BCL2: variants seen among roughly 807,000 people sequenced by gnomAD.
BCL2 encodes BCL2 apoptosis regulator.
BCL2 carries 1 observed loss-of-function variant against 14.2 expected under a neutral mutation model. The observed-to-expected ratio is 0.07, with a 90% confidence interval of 0.02 to 0.33. The LOEUF (loss-of-function observed/expected upper bound fraction) is 0.33. Ranked by LOEUF, BCL2 falls within the 10% of genes least tolerant of loss-of-function variation. The probability of loss-of-function intolerance (pLI) is 0.99; values close to 1 mark genes in which losing one functional copy is unlikely to be tolerated. For missense variants in BCL2, 247 were observed against 305.9 expected, an observed-to-expected ratio of 0.81 and a Z score of 1.44; for synonymous variants, 151 against 137.2, an observed-to-expected ratio of 1.10 and a Z score of -0.70.
chr18:63,223,778 T>C (rs1910470207), intron 2 of BCL2, among the ~76,000 whole-genome samples: 3 of 152,318 alleles, frequency 2.0e-5, no homozygotes, highest in South Asian at 4.1e-4. Flanking sequence ...GACAGAAACA[T>C]TTTATTCTAC....
At chr18:63,220,283 C>T (rs1910352815) in intron 2 of BCL2, among the ~76,000 whole-genome samples, 1 of 152,184 alleles carries the variant, frequency 6.6e-6, no homozygotes, top group Non-Finnish European at 1.5e-5. Flanking sequence ...TCTGTCCCAG[C>T]ATGTTAGGGA....
At chr18:63,256,216 A>G (rs992401021) in intron 2 of BCL2, among the ~76,000 whole-genome samples, 8 of 152,146 alleles carry the variant, frequency 5.3e-5, no homozygotes, top group East Asian at 3.9e-4. Context: ...AACATTATGG[A>G]AAAAAATTAT....
chr18:63,161,990 A>G (rs968772929), intron 2 of BCL2: 1 of 152,184 alleles, frequency 6.6e-6, no homozygotes, highest in Non-Finnish European at 1.5e-5. Flanking sequence ...TGTGTAAACC[A>G]AAGCAGTTCT....
intron 2 of BCL2, among the ~76,000 whole-genome samples, chr18:63,271,979 GC>G (rs1912015233): frequency 6.6e-6 from 1 of 152,210 alleles, no homozygotes; most frequent in African/African-American, 2.4e-5. Flanking sequence ...GCAAACTGGA[GC>G]TAAAGTCATG....
intron 2 of BCL2, among the ~76,000 whole-genome samples, chr18:63,142,506 C>A (rs898558437): frequency 5.9e-5 from 9 of 152,212 alleles, no homozygotes; most frequent in Middle Eastern, 3.2e-3. Context: ...TCACAAATGG[C>A]TGAAACTTCA....
chr18:63,173,736 C>T (rs925208954), intron 2 of BCL2, among the ~76,000 whole-genome samples: 2 of 152,176 alleles, frequency 1.3e-5, no homozygotes, highest in African/African-American at 2.4e-5. Flanking sequence ...AGATCAAATG[C>T]TATTACTATG....
intron 2 of BCL2, among the ~76,000 whole-genome samples, chr18:63,295,336 GT>G (rs1419254671): frequency 2.6e-5 from 4 of 152,122 alleles, no homozygotes; most frequent in African/African-American, 9.7e-5. Flanking sequence ...GACCCAACTT[GT>G]GTCTGTCAAG....
intron 2 of BCL2, among the ~76,000 whole-genome samples, chr18:63,291,168 C>CA (rs1184927966): frequency 6.6e-6 from 1 of 151,830 alleles, no homozygotes; most frequent in Non-Finnish European, 1.5e-5. Context: ...TTGAAAAGTG[C>CA]AAAAAAGCAA....
chr18:63,197,259 C>T (rs561064731), intron 2 of BCL2, among the ~76,000 whole-genome samples: 1 of 152,286 alleles, frequency 6.6e-6, no homozygotes, highest in Non-Finnish European at 1.5e-5. Flanking sequence ...AGCTGTGTGA[C>T]CACTGACAAA....
chr18:63,280,921 G>A lies in BCL2; in HGVS notation c.585+37161C>T, dbSNP rs1045661439. Among the ~76,000 whole-genome samples, 10 of 152,180 alleles carry A rather than the reference G, an allele frequency of 6.6e-5. No homozygotes were observed. The South Asian group carries it at 1.0e-3, about 16-fold the overall frequency. On this transcript the variant is annotated intron_variant, in intron 2 of 2. Transcript: ENST00000333681. Reference sequence around the variant, plus strand: ...CAGCATTATTCACATTAGTCCAAAAGGGGAAGCAGCTCAAGTATCCATCAA... The same window carrying A: ...CAGCATTATTCACATTAGTCCAAAAAGGGAAGCAGCTCAAGTATCCATCAA...
At chr18:63,311,878 TTGGGG>T (rs2144307503) in intron 2 of BCL2, among the ~76,000 whole-genome samples, 1 of 152,344 alleles carries the variant, frequency 6.6e-6, no homozygotes, top group African/African-American at 2.4e-5. Context: ...AAAAGGGCGT[TTGGGG>T]AAGTAGTCCT....
At chr18:63,249,009 A>G (rs555240784) in intron 2 of BCL2, among the ~76,000 whole-genome samples, 108 of 152,328 alleles carry the variant, frequency 7.1e-4, no homozygotes, top group South Asian at 5.2e-3. Context: ...AAGCTTTAGA[A>G]ATGCTTCCTA....
At chr18:63,315,716 T>C (rs1913473584) in intron 2 of BCL2, 1 of 152,204 alleles carries the variant, frequency 6.6e-6, no homozygotes, top group Non-Finnish European at 1.5e-5. Context: ...TTGGTGTAAA[T>C]GTGAAGAAAA....
chr18:63,146,391 C>A (rs1568215489), intron 2 of BCL2, among the ~76,000 whole-genome samples: 1 of 152,196 alleles, frequency 6.6e-6, no homozygotes, highest in Non-Finnish European at 1.5e-5. Flanking sequence ...TGTCCCTGAG[C>A]CCCCCAAGAA....
rs911650013 is a variant in BCL2, at chr18:63,212,542, T to A, written c.586-83783A>T. Among the ~76,000 whole-genome samples, 2 of 151,338 alleles carry A rather than the reference T, an allele frequency of 1.3e-5. 1 individual carries two copies. Among genetic ancestry groups the A allele is most frequent in the Non-Finnish European group, 3.0e-5 (2 of 67,646 alleles). ...GGTGGCCACAAGCCACAGTGGGAAC[T>A]CAGGGAGCTTAGGTCAGGATTCCAA... On this transcript the variant is annotated intron_variant, in intron 2 of 2. Coordinates refer to ENST00000333681, the MANE Select transcript of BCL2 (RefSeq NM_000633.3).
At chr18:63,219,601 G>A (rs1357487730) in intron 2 of BCL2, among the ~76,000 whole-genome samples, 7 of 151,994 alleles carry the variant, frequency 4.6e-5, no homozygotes, top group South Asian at 2.1e-4. Context: ...CTTTTTAAGC[G>A]TAAGCAGAAA....
chr18:63,186,024 G>T (rs930048457), intron 2 of BCL2, among the ~76,000 whole-genome samples: 1 of 152,154 alleles, frequency 6.6e-6, no homozygotes, highest in African/African-American at 2.4e-5. Context: ...TGTTTGATAT[G>T]GTTTCTGCTG....
chr18:63,246,050 T>C (rs940274614), intron 2 of BCL2, among the ~76,000 whole-genome samples: 4 of 152,184 alleles, frequency 2.6e-5, no homozygotes, highest in African/African-American at 9.6e-5. Flanking sequence ...GTGGGATCAA[T>C]AGGTTTTTGA....
At chr18:63,211,128 T>C (rs1316365208) in intron 2 of BCL2, among the ~76,000 whole-genome samples, 1 of 133,018 alleles carries the variant, frequency 7.5e-6, no homozygotes, top group Non-Finnish European at 1.5e-5. Flanking sequence ...TGGAGTGCAG[T>C]GGTGCGATCT....
Sources: allele counts gnomAD v4.1 joint callset (sites outside exome capture counted in the v4.1 genomes callset), GRCh38; gene constraint gnomAD v4.1.1; transcripts MANE v1.5; gene names NCBI Gene and HGNC (gene_info 2026-07-23, HGNC 2026-07-21).